The following GSK3B variants were observed in gnomAD, a reference collection of about 807,000 sequenced individuals.
The protein encoded by GSK3B is glycogen synthase kinase-3 beta.
In GSK3B, 15 loss-of-function variants were observed where a neutral mutation model predicts 56.4. The ratio of observed to expected loss-of-function variants is 0.27; its 90% confidence interval spans 0.18 to 0.41. The LOEUF (loss-of-function observed/expected upper bound fraction) is 0.41. GSK3B is among the 10% of genes least tolerant of loss of function. The probability of loss-of-function intolerance (pLI) is 1.00; values close to 1 mark genes in which losing one functional copy is unlikely to be tolerated. For missense variants in GSK3B, 300 were observed against 513.4 expected, an observed-to-expected ratio of 0.58 and a Z score of 4.02; for synonymous variants, 181 against 188.9, an observed-to-expected ratio of 0.96 and a Z score of 0.34.
chr3:119,866,972 G>C (rs541210290), intron 8 of GSK3B, among the ~76,000 whole-genome samples: 14 of 152,164 alleles, frequency 9.2e-5, no homozygotes, highest in Non-Finnish European at 1.9e-4. Flanking sequence ...ATGAAATCTA[G>C]AAGTAAAGTT....
intron 3 of GSK3B, among the ~76,000 whole-genome samples, chr3:119,934,041 G>C (rs977350069): frequency 6.6e-6 from 1 of 152,140 alleles, no homozygotes; most frequent in Non-Finnish European, 1.5e-5. Context: ...TTAATACATG[G>C]GGGAAAAGAG....
At chr3:119,856,300 T>C (rs1170115984) in intron 9 of GSK3B, among the ~76,000 whole-genome samples, 2 of 152,212 alleles carry the variant, frequency 1.3e-5, no homozygotes, top group Admixed American at 1.3e-4. Context: ...ATGTTGCATT[T>C]CTTTACTGTC....
chr3:119,970,613 T>TAAAAAAAAA (rs1170925404), intron 2 of GSK3B, among the ~76,000 whole-genome samples: 1 of 114,288 alleles, frequency 8.7e-6, no homozygotes. Context: ...CTACTAAAAT[T>TAAAAAAAAA]AAAAAAAAAA....
intron 1 of GSK3B, among the ~76,000 whole-genome samples, chr3:120,007,536 G>A (rs543441552): frequency 8.9e-4 from 136 of 152,148 alleles, no homozygotes; most frequent in African/African-American, 3.1e-3. Context: ...CTGGCAAATC[G>A]AAACCAGCAG....
chr3:119,925,077 C>T (rs1186036913), intron 3 of GSK3B, among the ~76,000 whole-genome samples: 1 of 152,112 alleles, frequency 6.6e-6, no homozygotes, highest in Non-Finnish European at 1.5e-5. Context: ...GCCTGTAATC[C>T]CAGCATTTTG....
intron 10 of GSK3B, 59 bp from the exon 11 acceptor site, chr3:119,826,914 C>A: frequency 1.9e-6 from 2 of 1,028,944 alleles, no homozygotes; most frequent in South Asian, 2.6e-5. Context: ...CAAAAGAGAA[C>A]AAGTACACTG....
At chr3:120,043,147 T>C (rs1475596551) in intron 1 of GSK3B, among the ~76,000 whole-genome samples, 1 of 152,114 alleles carries the variant, frequency 6.6e-6, no homozygotes, top group African/African-American at 2.4e-5. Flanking sequence ...GAGGAAAAAC[T>C]TGAGCTGGCC....
chr3:120,026,292 G>A (rs1199129685), intron 1 of GSK3B, among the ~76,000 whole-genome samples: 3 of 152,176 alleles, frequency 2.0e-5, no homozygotes, highest in Admixed American at 6.5e-5. Flanking sequence ...AGGAGAAAGA[G>A]TTATTTGTTA....
At chr3:120,014,548 T>C (rs1559876826) in intron 1 of GSK3B, among the ~76,000 whole-genome samples, 1 of 152,102 alleles carries the variant, frequency 6.6e-6, no homozygotes, top group South Asian at 2.1e-4. Flanking sequence ...AAAGGAAATA[T>C]CAACCAAGCA....
At chr3:119,833,690 G>GTTTTT (rs902919136) in intron 10 of GSK3B, among the ~76,000 whole-genome samples, 72 of 75,742 alleles carry the variant, frequency 9.5e-4, no homozygotes, top group African/African-American at 2.4e-3. Flanking sequence ...ACATTAGGTT[G>GTTTTT]TTTTTTTTTT....
chr3:119,971,223 C>T (rs2057363700), intron 2 of GSK3B, among the ~76,000 whole-genome samples: 1 of 152,268 alleles, frequency 6.6e-6, no homozygotes, highest in African/African-American at 2.4e-5. Context: ...CATCCCCATC[C>T]AAATTTTAAA....
chr3:120,000,090 A>G (rs2057661297), intron 2 of GSK3B, among the ~76,000 whole-genome samples: 1 of 152,202 alleles, frequency 6.6e-6, no homozygotes, highest in South Asian at 2.1e-4. Flanking sequence ...TCTGACTAGA[A>G]TAGTAGTGAA....
chr3:119,924,360 T>C (rs1481931684), intron 3 of GSK3B, among the ~76,000 whole-genome samples: 11 of 152,226 alleles, frequency 7.2e-5, no homozygotes, highest in African/African-American at 2.4e-5. Flanking sequence ...AGAAATACTG[T>C]GGATAAACAA....
At chr3:120,027,889 T>G (rs979743037) in intron 1 of GSK3B, among the ~76,000 whole-genome samples, 19 of 152,232 alleles carry the variant, frequency 1.2e-4, no homozygotes, top group African/African-American at 4.6e-4. Flanking sequence ...ATAAATTTGC[T>G]TAAAGTTCTA....
intron 1 of GSK3B, among the ~76,000 whole-genome samples, chr3:120,018,419 T>C (rs2057845168): frequency 6.6e-6 from 1 of 152,198 alleles, no homozygotes; most frequent in Non-Finnish European, 1.5e-5. Flanking sequence ...AGGACTTGAA[T>C]ATGCAAAGAT....
chr3:120,066,540 A>G (rs1322751066), intron 1 of GSK3B, among the ~76,000 whole-genome samples: 2 of 152,222 alleles, frequency 1.3e-5, no homozygotes, highest in South Asian at 2.1e-4. Flanking sequence ...GTCAAATGCT[A>G]AAGAATCAAG....
At chr3:119,935,722 G>A (rs2056987490) in intron 3 of GSK3B, among the ~76,000 whole-genome samples, 1 of 152,082 alleles carries the variant, frequency 6.6e-6, no homozygotes, top group Non-Finnish European at 1.5e-5. Context: ...CAGAAGCAGA[G>A]GGAATACTTC....
chr3:119,982,514 C>T (rs2057473229), intron 2 of GSK3B, among the ~76,000 whole-genome samples: 1 of 152,056 alleles, frequency 6.6e-6, no homozygotes, highest in African/African-American at 2.4e-5. Flanking sequence ...GTAGAGAAGA[C>T]ATTAAATAAA....
intron 1 of GSK3B, among the ~76,000 whole-genome samples, chr3:120,060,182 A>C (rs1198923341): frequency 1.3e-5 from 2 of 152,246 alleles, no homozygotes; most frequent in Non-Finnish European, 2.9e-5. Flanking sequence ...AAAATCTATT[A>C]TACATTACAA....
Sources: allele counts gnomAD v4.1 joint callset (sites outside exome capture counted in the v4.1 genomes callset), GRCh38; gene constraint gnomAD v4.1.1; transcripts MANE v1.5; gene names NCBI Gene and HGNC (gene_info 2026-07-23, HGNC 2026-07-21).